METTL15: variants seen among roughly 807,000 people sequenced by gnomAD.
METTL15 encodes the protein methyltransferase 15, mitochondrial 12S rRNA N4-cytidine.
In METTL15, 34 loss-of-function variants were observed where a neutral mutation model predicts 38.3. The observed-to-expected ratio is 0.89, with a 90% CI of 0.68 to 1.18. METTL15 has a LOEUF of 1.18. Among genes scored for constraint, METTL15 ranks in the 50% most tolerant of loss-of-function variants. The pLI, the probability that METTL15 is intolerant of heterozygous loss-of-function variation, is 0.00. For synonymous variants in METTL15, 162 were observed against 170.9 expected (o/e 0.95, Z 0.41); for missense variants, 438 against 498.4 (o/e 0.88, Z 1.15).
chr11:28,301,747 A>G (rs901957195), intron 6 of METTL15, among the ~76,000 whole-genome samples: 3 of 152,162 alleles, frequency 2.0e-5, no homozygotes, highest in Non-Finnish European at 4.4e-5. Flanking sequence ...GTTAAATAAC[A>G]TGTTTCACAT....
At chr11:28,530,245 T>G (rs112621901), downstream of METTL15, among the ~76,000 whole-genome samples, 805 of 152,290 alleles carry the variant, frequency 5.3e-3, 5 homozygotes, top group Middle Eastern at 0.014. Flanking sequence ...CCACAAAGGT[T>G]GTATAACCTA....
chr11:28,284,098 A>G (rs571671158), intron 4 of METTL15, among the ~76,000 whole-genome samples: 3 of 152,282 alleles, frequency 2.0e-5, no homozygotes, highest in Admixed American at 6.5e-5. Flanking sequence ...GCAAACTTCA[A>G]TGATGTTTCC....
chr11:28,453,136 A>G (rs1275813493), intron 6 of METTL15, among the ~76,000 whole-genome samples: 1 of 152,144 alleles, frequency 6.6e-6, no homozygotes, highest in Admixed American at 6.5e-5. Flanking sequence ...TCCCTATTCT[A>G]CTCTTTTACA....
chr11:28,314,797 C>A (rs1479810154), intron 6 of METTL15, among the ~76,000 whole-genome samples: 1 of 152,154 alleles, frequency 6.6e-6, no homozygotes, highest in Non-Finnish European at 1.5e-5. Flanking sequence ...GGGGGCAGGT[C>A]TTTTCCATGC....
intron 4 of METTL15, among the ~76,000 whole-genome samples, chr11:28,212,692 CAAG>C (rs1337735120): frequency 6.6e-6 from 1 of 151,962 alleles, no homozygotes; most frequent in Admixed American, 6.6e-5. Flanking sequence ...GGAATAGTGA[CAAG>C]AAGAAAAAAG....
downstream of METTL15, among the ~76,000 whole-genome samples, chr11:28,338,182 C>T (rs764052072): frequency 2.6e-5 from 4 of 151,764 alleles, no homozygotes; most frequent in African/African-American, 4.8e-5. Flanking sequence ...AGCCTGCAAA[C>T]ATCTTCAAAA....
chr11:28,363,276 C>T (rs111468704), intron 5 of METTL15, among the ~76,000 whole-genome samples: 2,688 of 152,128 alleles, frequency 0.018, 52 homozygotes, highest in African/African-American at 0.051. Context: ...TGGATTCAAG[C>T]GATTATCCGG....
intron 3 of METTL15, among the ~76,000 whole-genome samples, chr11:28,350,974 A>T (rs1224312890): frequency 1.3e-5 from 2 of 152,160 alleles, no homozygotes; most frequent in Non-Finnish European, 2.9e-5. Context: ...TTGTACCTGG[A>T]TTTGAGAAGT....
intron 3 of METTL15, among the ~76,000 whole-genome samples, chr11:28,139,435 C>G (rs907667766): frequency 3.3e-5 from 5 of 152,200 alleles, no homozygotes; most frequent in Non-Finnish European, 7.3e-5. Flanking sequence ...CCCTGAGTCC[C>G]TGTAACCTTG....
chr11:28,243,777 T>A (rs919576179), intron 4 of METTL15, among the ~76,000 whole-genome samples: 12 of 152,300 alleles, frequency 7.9e-5, no homozygotes, highest in South Asian at 4.1e-4. Flanking sequence ...TGTTTCCTCA[T>A]GAGTCTTCCC....
In METTL15 at chr11:28,387,240, C is replaced by G. The variant is rs1237797031; in HGVS notation, c.*358+25204C>G. On this transcript the variant is annotated intron_variant and NMD_transcript_variant, in intron 5 of 7. Transcript: ENST00000532947. Reference sequence around the variant, plus strand: ...ATAAATAAAATAGACAATATAAAAACAAGAGATAAAAATCAATGAAACTGA... The same window carrying G: ...ATAAATAAAATAGACAATATAAAAAGAAGAGATAAAAATCAATGAAACTGA... Among the ~76,000 whole-genome samples the G allele has an allele frequency of 2.0e-5, 3 of 151,352 alleles. No individual in the cohort carries two copies. The South Asian group carries it at 6.3e-4, about 32-fold the overall frequency.
At chr11:28,193,194 ATGTT>A (rs535913032) in intron 3 of METTL15, among the ~76,000 whole-genome samples, 3 of 152,076 alleles carry the variant, frequency 2.0e-5, no homozygotes, top group Non-Finnish European at 4.4e-5. Context: ...ATTTATATAG[ATGTT>A]TACCCTCTGT....
chr11:28,302,781 CT>C (rs1299745774), intron 6 of METTL15, among the ~76,000 whole-genome samples: 5 of 152,124 alleles, frequency 3.3e-5, no homozygotes, highest in Admixed American at 6.6e-5. Flanking sequence ...CCCTCTAGTA[CT>C]TTATTCATCT....
chr11:28,525,235 G>A (rs1026287909), intron 6 of METTL15, among the ~76,000 whole-genome samples: 16 of 152,166 alleles, frequency 1.1e-4, no homozygotes, highest in African/African-American at 3.6e-4. Flanking sequence ...GCTGCCTCGC[G>A]CAGCCTGCTT....
intron 4 of METTL15, among the ~76,000 whole-genome samples, chr11:28,259,047 A>G (rs1309163212): frequency 6.6e-6 from 1 of 152,088 alleles, no homozygotes; most frequent in Non-Finnish European, 1.5e-5. Context: ...GTACCTGGGT[A>G]TCACTGCTTG....
At chr11:28,281,136 T>G (rs1161896117) in intron 4 of METTL15, among the ~76,000 whole-genome samples, 1 of 152,214 alleles carries the variant, frequency 6.6e-6, no homozygotes, top group African/African-American at 2.4e-5. Flanking sequence ...CCACTTAATG[T>G]TGCTTTTGGC....
At chr11:28,237,227 T>G (rs1184789587) in intron 4 of METTL15, among the ~76,000 whole-genome samples, 1 of 152,190 alleles carries the variant, frequency 6.6e-6, no homozygotes, top group Non-Finnish European at 1.5e-5. Flanking sequence ...TCCCCATCAC[T>G]TTCAGGTACA....
chr11:28,338,806 A>G (rs1158688957), intron 3 of METTL15, among the ~76,000 whole-genome samples: 2 of 152,162 alleles, frequency 1.3e-5, no homozygotes, highest in African/African-American at 4.8e-5. Context: ...TTTGGTAATG[A>G]CAAGATAATT....
intron 3 of METTL15, among the ~76,000 whole-genome samples, chr11:28,165,917 C>A (rs1278913733): frequency 2.0e-5 from 3 of 152,028 alleles, no homozygotes; most frequent in African/African-American, 7.2e-5. Context: ...ACTGTCTTTT[C>A]CCCATTTTGT....
Sources: gnomAD v4.1 joint callset for allele counts (sites outside exome capture counted in the v4.1 genomes callset) on GRCh38, gnomAD v4.1.1 for gene constraint, MANE v1.5 for transcripts, NCBI Gene and HGNC (gene_info 2026-07-23, HGNC 2026-07-21) for gene names.